The following JAG2 variants were observed in gnomAD, a reference collection of about 807,000 sequenced individuals.
JAG2 encodes jagged canonical Notch ligand 2, also known as protein jagged-2.
Under a neutral mutation model 141.7 loss-of-function variants are expected in JAG2, and 46 were observed. The ratio of observed to expected loss-of-function variants is 0.32; its 90% CI spans 0.26 to 0.42. The LOEUF (loss-of-function observed/expected upper bound fraction) is 0.42, where lower values mean the gene tolerates loss of function less well. JAG2 is among the 10% of genes least tolerant of loss of function. The pLI is 1.00. For synonymous variants in JAG2, 862 were observed against 763.5 expected (o/e 1.13, Z -2.13); for missense variants, 1,500 against 1,817.5 (o/e 0.83, Z 3.18).
chr14:105,155,510 G>C (rs371629998), intron 5 of JAG2, 52 bp downstream of exon 5: 2 of 1,595,374 alleles, frequency 1.3e-6, no homozygotes, highest in Admixed American at 3.3e-5. Context: ...GTGCCAGTGA[G>C]GACGTGAGGG....
chr14:105,143,396 C>A, intron 25 of JAG2, 86 bp downstream of exon 25: 2 of 1,466,956 alleles, frequency 1.4e-6, no homozygotes, highest in Admixed American at 3.9e-5. Context: ...TGGTGGCTGG[C>A]AGGATCGGCA....
rs1407130137 is a variant in JAG2 at position 105,143,503 on chromosome 14, C to T, written c.3220G>A (p.Val1074Ile). The change falls in exon 25 of 26, where the codon GTT becomes ATT. Residue 1074 changes from valine (V) to isoleucine (I), a missense_variant. Val to Ile is a conservative substitution (Grantham distance 29). Around this residue, in one of 3 missense-constraint regions of JAG2, gnomAD observed 425 missense variants for 441.0 expected, o/e 0.96. Coordinates refer to ENST00000331782, the MANE Select transcript of JAG2 (RefSeq NM_002226.5). ...AVTEVKVETV[V>I]TGGSSTGLLV... Reference sequence around the variant, plus strand: ...TTACCTGTGGAAGAGCCGCCCGTAACAACCGTCTCCACCTTGACCTCGGTG... The same window carrying T: ...TTACCTGTGGAAGAGCCGCCCGTAATAACCGTCTCCACCTTGACCTCGGTG... 2 of 1,566,870 alleles carry T rather than the reference C, an allele frequency of 1.3e-6. No individual in the cohort carries two copies. The highest frequency in any genetic ancestry group is 1.2e-5 in the South Asian group (1 of 85,472).
intron 3 of JAG2, among the ~76,000 whole-genome samples, chr14:105,156,640 G>A (rs978487979): frequency 1.3e-5 from 2 of 152,116 alleles, no homozygotes; most frequent in East Asian, 1.9e-4. Context: ...CGGTCCCTGC[G>A]CTTAGGCACA....
chr14:105,157,978 G>C (rs1277735213), intron 2 of JAG2, among the ~76,000 whole-genome samples: 2 of 152,228 alleles, frequency 1.3e-5, no homozygotes, highest in African/African-American at 2.4e-5. Flanking sequence ...TGCCCCTCCA[G>C]GCCACGCGGG....
intron 1 of JAG2, 26 bp from the exon 2 acceptor site, chr14:105,168,133 G>A (rs1253398692): frequency 6.7e-7 from 1 of 1,488,256 alleles, no homozygotes; most frequent in South Asian, 1.2e-5. Flanking sequence ...CGGGAGAGCG[G>A]AGGGAGGCGC....
rs1184680207 is a variant in JAG2 at position 105,145,993 on chromosome 14, A to T, written c.2710-20T>A. The T allele has an allele frequency of 1.9e-6, 3 of 1,590,470 alleles. No individual in the cohort carries two copies. The highest frequency in any genetic ancestry group is 2.6e-6 in the Non-Finnish European group (3 of 1,171,584). The stretch of plus-strand genomic sequence containing the variant: ...CCACACCTGGGCAGGCACGCACAGG[A>T]GGGTCAGGCGCAGGCGCACAGGAGG... On this transcript the variant is annotated intron_variant, in intron 22 of 25. Coordinates refer to ENST00000331782, the MANE Select transcript of JAG2 (RefSeq NM_002226.5).
At chr14:105,144,311 T>C (rs774278836) in intron 24 of JAG2, among the ~76,000 whole-genome samples, 8 of 152,076 alleles carry the variant, frequency 5.3e-5, no homozygotes, top group Non-Finnish European at 7.4e-5. Flanking sequence ...CATCTTCCCC[T>C]GCCCCTACTG....
rs765682980 is a variant in JAG2 at position 105,148,921 on chromosome 14, G to A, written c.1906+16C>T. The A allele has an allele frequency of 4.4e-6, 7 of 1,601,010 alleles. No individual in the cohort carries two copies. Among genetic ancestry groups the A allele is most frequent in the East Asian group, 2.3e-5 (1 of 44,332 alleles). On this transcript the variant is annotated intron_variant, in intron 14 of 25. Coordinates refer to ENST00000331782, the MANE Select transcript of JAG2 (RefSeq NM_002226.5). ...AGCCCAGCCCCACCACCAGCCCGCC[G>A]TTCGTGGCCACTCACTCTCATGGCA...
At chr14:105,166,420 C>A (rs966952568) in intron 2 of JAG2, among the ~76,000 whole-genome samples, 1 of 152,242 alleles carries the variant, frequency 6.6e-6, no homozygotes, top group Non-Finnish European at 1.5e-5. Context: ...GCCGTGGGGG[C>A]GAGGGGCTGG....
intron 9 of JAG2, 40 bp downstream of exon 9, chr14:105,151,243 G>C: frequency 9.0e-7 from 1 of 1,110,026 alleles, no homozygotes; most frequent in Non-Finnish European, 1.3e-6. Flanking sequence ...CAGCCCGCAT[G>C]CGCGGCCCAC....
chr14:105,146,625 G>A lies in JAG2; in HGVS notation c.2579C>T (p.Pro860Leu), dbSNP rs775891111. 3 of 1,612,502 alleles carry A rather than the reference G, an allele frequency of 1.9e-6. No individual in the cohort carries two copies. Among genetic ancestry groups the A allele is most frequent in the Middle Eastern group, 1.6e-4 (1 of 6,084 alleles). The stretch of plus-strand genomic sequence containing the variant: ...ACGGGGCCTACCTTCCTGGCACCGG[G>A]GGCCGGCTCGGCCGGGTGGGCAGCT... ...RCSCPPGRAG[P>L]RCQEVIGFGR... Residue 860 changes from proline to leucine, a missense_variant, in exon 21 of 26, where the codon CCC becomes CTC. Around this residue, in one of 3 missense-constraint regions of JAG2, gnomAD observed 875 missense variants for 1,202.2 expected, o/e 0.73. Transcript: ENST00000331782.
At chr14:105,157,493 T>C (rs1375664905) in intron 3 of JAG2, among the ~76,000 whole-genome samples, 7 of 152,194 alleles carry the variant, frequency 4.6e-5, no homozygotes, top group South Asian at 2.1e-4. Flanking sequence ...GAGAACAACA[T>C]AGGCAAAGCC....
chr14:105,153,121 G>A (rs1027732815), intron 5 of JAG2, among the ~76,000 whole-genome samples: 15 of 152,166 alleles, frequency 9.9e-5, no homozygotes, highest in African/African-American at 1.9e-4. Flanking sequence ...AGAACTCTCC[G>A]GTCCTGCAGG....
intron 18 of JAG2, 40 bp downstream of exon 18, chr14:105,147,732 G>A: frequency 7.2e-7 from 1 of 1,394,138 alleles, no homozygotes; most frequent in Non-Finnish European, 9.9e-7. Context: ...TCATCTGGGT[G>A]GAGGAAAGCG....
intron 15 of JAG2, 97 bp downstream of exon 15, chr14:105,148,648 G>C: frequency 2.6e-6 from 3 of 1,165,820 alleles, no homozygotes; most frequent in Non-Finnish European, 3.7e-6. Flanking sequence ...TTCTGGGTAC[G>C]GGGCCTGCCG....
intron 12 of JAG2, among the ~76,000 whole-genome samples, chr14:105,149,564 C>T (rs1182376405): frequency 1.3e-5 from 2 of 151,918 alleles, no homozygotes; most frequent in Admixed American, 6.5e-5. Context: ...CACTGTCCCT[C>T]GGGAGGAGTG....
rs904500344 is a variant in JAG2 at position 105,167,776 on chromosome 14, G to A, written c.398C>T (p.Pro133Leu). The change falls in exon 2 of 26, where the codon CCC becomes CTC. Residue 133 changes from proline (P) to leucine (L), a missense_variant. Transcript: ENST00000331782. The surrounding 1 kb of genome is among the most constrained non-coding windows in gnomAD (Gnocchi z 4.8). ...ACGTACCGGCCAGGCGAACTGGAAG[G>A]GGATGACGACGAGGCCCGGGTCCTG... The part of the protein sequence containing the change: ...GDQDPGLVVI[P>L]FQFAWPRSFT... The A allele has an allele frequency of 1.4e-6, 2 of 1,463,054 alleles. No individual in the cohort carries two copies. Among genetic ancestry groups the A allele is most frequent in the Non-Finnish European group, 1.8e-6 (2 of 1,109,682 alleles). The allele number at this position is 1,463,054 out of a possible 1,614,324, so 90.6% of individuals were successfully genotyped here. A position where few individuals can be genotyped will look rare whatever the true frequency, so the allele number is the denominator to read the frequency against.
intron 2 of JAG2, among the ~76,000 whole-genome samples, chr14:105,163,136 C>G (rs911993151): frequency 2.0e-5 from 3 of 152,332 alleles, no homozygotes; most frequent in African/African-American, 4.8e-5. Context: ...CCTCCCGCCC[C>G]CTACGGAGCA....
Position 105,143,579 on chromosome 14 carries a change from G to A in JAG2, c.3144C>T (p.Ala1048=), listed in dbSNP as rs2140968870. 3 of 1,605,738 alleles carry A rather than the reference G, an allele frequency of 1.9e-6. No homozygotes were observed. Among genetic ancestry groups the A allele is most frequent in the Non-Finnish European group, 2.5e-6 (3 of 1,178,528 alleles). The change falls in exon 25 of 26, where the codon GCC becomes GCT. Residue 1048 remains alanine, a synonymous_variant. Coordinates refer to ENST00000331782, the MANE Select transcript of JAG2 (RefSeq NM_002226.5). ...DSSLIQGAAH[A]IVAAITQRGN... ...CCCGCTGGGTGATGGCGGCCACGAT[G>A]GCGTGGGCCGCGCCCTGGATCAGGC... is the stretch of plus-strand genomic sequence containing the variant.
Sources: gnomAD v4.1 joint callset for allele counts (sites outside exome capture counted in the v4.1 genomes callset) on GRCh38, gnomAD v4.1.1 for gene constraint, gnomAD v4.1.1 regional missense constraint, Gnocchi (gnomAD v3.1) non-coding constraint, MANE v1.5 for transcripts, NCBI Gene and HGNC (gene_info 2026-07-23, HGNC 2026-07-21) for gene names.